Variants in ZFAT observed in about 807,000 individuals in gnomAD.
ZFAT encodes zinc finger and AT-hook domain containing, also known as zinc finger protein ZFAT.
A neutral mutation model predicts 117.7 loss-of-function variants in ZFAT; 64 were observed. The observed-to-expected ratio is 0.54, with a 90% CI of 0.44 to 0.67. The LOEUF (loss-of-function observed/expected upper bound fraction) is 0.67, where lower values mean the gene tolerates loss of function less well. ZFAT is among the 30% of genes least tolerant of loss of function. The pLI is 0.00. For synonymous variants in ZFAT, 679 were observed against 615.0 expected (o/e 1.10, Z -1.54); for missense variants, 1,433 against 1,584.5 (o/e 0.90, Z 1.62).
chr8:134,526,520 A>G (rs1821033930), intron 12 of ZFAT, among the ~76,000 whole-genome samples: 1 of 152,244 alleles, frequency 6.6e-6, no homozygotes, highest in Non-Finnish European at 1.5e-5. Context: ...CCACGGACTG[A>G]TTAATCAGGT....
Position 134,590,144 on chromosome 8 carries a change from A to G in ZFAT, c.2563+124T>C, listed in dbSNP as rs922292811. On this transcript the variant is annotated intron_variant, in intron 8 of 15. Transcript: ENST00000377838. ...CGTCGAATAAAGATGTTTGTTTCCC[A>G]TGAATATATTCACAGCTTCATCCCT... 1.2e-5 allele frequency: 8 copies of G among 670,550 alleles called. No individual in the cohort carries two copies. In the Admixed American group the frequency reaches 2.0e-4, roughly 17 times the overall value. 41.5% of individuals were successfully genotyped at this position (670,550 alleles called of 1,614,324 possible).
chr8:134,797,304 G>A, the ZFAT span: 1 of 152,018 alleles, frequency 6.6e-6, no homozygotes, highest in Non-Finnish European at 1.5e-5. Context: ...AAATGACTGG[G>A]ATATCGAAAT....
At chr8:134,821,812 A>G in the ZFAT span, among the ~76,000 whole-genome samples, 2 of 152,188 alleles carry the variant, frequency 1.3e-5, no homozygotes, top group Non-Finnish European at 2.9e-5. Context: ...TGTGAGTCCT[A>G]TAAATCTAAC....
At chr8:134,530,781 A>G (rs1257981189) in intron 12 of ZFAT, among the ~76,000 whole-genome samples, 1 of 103,324 alleles carries the variant, frequency 9.7e-6, no homozygotes, top group African/African-American at 3.3e-5. Flanking sequence ...TAAAAATAAA[A>G]AAATAATACA....
intron 11 of ZFAT, among the ~76,000 whole-genome samples, chr8:134,542,009 C>A (rs1397881296): frequency 2.0e-5 from 3 of 152,210 alleles, no homozygotes; most frequent in Admixed American, 2.0e-4. Context: ...ATGCCAGGAC[C>A]TTGAAGGCCA....
At chr8:134,675,794 T>C (rs1285858812) in intron 1 of ZFAT, among the ~76,000 whole-genome samples, 2 of 152,198 alleles carry the variant, frequency 1.3e-5, no homozygotes, top group Non-Finnish European at 2.9e-5. Flanking sequence ...ATATTCAACA[T>C]TCTTGAAGAA....
chr8:134,601,571 C>T lies in ZFAT; in HGVS notation c.2148G>A (p.Met716Ile). 3 of 1,614,236 alleles carry T rather than the reference C, an allele frequency of 1.9e-6. No individual in the cohort carries two copies. The highest frequency in any genetic ancestry group is 2.5e-6 in the Non-Finnish European group (3 of 1,180,046). ...TCTTCTGTAAACTGTTCAGGACCTT[C>T]ATGAAAGCGGTGATGCCTGACCGGT... ...PEHRSGITAF[M>I]KVLNSLQKKQ... is the part of the protein sequence containing the mutation. The change falls in exon 6 of 16, where the codon ATG becomes ATA. Residue 716 changes from methionine to isoleucine, a missense_variant. Physicochemically the swap from Met to Ile is conservative, Grantham distance 10. This residue lies in a region of ZFAT where 372 missense variants were observed against 355.6 expected (regional missense o/e 1.05). Coordinates refer to ENST00000377838, the MANE Select transcript of ZFAT (RefSeq NM_020863.4).
At chr8:134,560,396 AG>A (rs1351929323) in intron 11 of ZFAT, among the ~76,000 whole-genome samples, 2 of 152,268 alleles carry the variant, frequency 1.3e-5, no homozygotes, top group South Asian at 4.1e-4. Context: ...TAGCACAAAG[AG>A]GTATCCTCTT....
chr8:134,595,015 T>C (rs866850894), intron 7 of ZFAT: 1 of 152,174 alleles, frequency 6.6e-6, no homozygotes, highest in Non-Finnish European at 1.5e-5. Flanking sequence ...CAAATTATGG[T>C]GGAGGCAGGA....
intron 3 of ZFAT, among the ~76,000 whole-genome samples, chr8:134,634,328 A>G (rs1036820): frequency 0.72 from 110,016 of 152,126 alleles, 40,145 homozygotes; most frequent in East Asian, 0.91. Flanking sequence ...TCTCTTTTTC[A>G]GTGTAACAGT....
At chr8:134,792,846 C>G in the ZFAT span, 1 of 152,158 alleles carries the variant, frequency 6.6e-6, no homozygotes. Flanking sequence ...TGCTTTTACA[C>G]AATTTCTGAT....
the ZFAT span, among the ~76,000 whole-genome samples, chr8:134,727,345 G>A: frequency 9.2e-5 from 14 of 152,214 alleles, no homozygotes; most frequent in East Asian, 2.5e-3. Context: ...AGGTCCTGAG[G>A]TCAGGACACT....
chr8:134,582,909 AT>A (rs1421234421), intron 10 of ZFAT, among the ~76,000 whole-genome samples: 15 of 152,212 alleles, frequency 9.9e-5, no homozygotes, highest in African/African-American at 3.6e-4. Context: ...TTTATATATA[AT>A]TTTGGTAAAT....
At chr8:134,497,308 G>T (rs1016039491) in intron 15 of ZFAT, among the ~76,000 whole-genome samples, 1 of 152,260 alleles carries the variant, frequency 6.6e-6, no homozygotes. Context: ...AGAGCAGCAG[G>T]ATGGAAAGAG....
At chr8:134,809,063 T>C in the ZFAT span, among the ~76,000 whole-genome samples, 1 of 152,204 alleles carries the variant, frequency 6.6e-6, no homozygotes. Context: ...TACCCTTTGG[T>C]GTTATTGGTG....
intron 10 of ZFAT, among the ~76,000 whole-genome samples, chr8:134,579,782 C>T (rs1825590807): frequency 6.6e-6 from 1 of 152,022 alleles, no homozygotes; most frequent in South Asian, 2.1e-4. Flanking sequence ...GAAACCCCAT[C>T]TCTACCAAAA....
chr8:134,563,364 G>A (rs2130762153), intron 11 of ZFAT, among the ~76,000 whole-genome samples: 1 of 152,340 alleles, frequency 6.6e-6, no homozygotes. Context: ...AAGACTAGGA[G>A]TGAAAGGATG....
chr8:134,662,317 A>C (rs535783831), intron 1 of ZFAT, among the ~76,000 whole-genome samples: 1 of 152,304 alleles, frequency 6.6e-6, no homozygotes, highest in South Asian at 2.1e-4. Flanking sequence ...TTTTAGGAGG[A>C]AACAAACATT....
intron 7 of ZFAT, among the ~76,000 whole-genome samples, chr8:134,595,642 T>C (rs1052717087): frequency 2.6e-5 from 4 of 152,218 alleles, no homozygotes; most frequent in Non-Finnish European, 5.9e-5. Context: ...GCTCCAGAAA[T>C]GTCACTGACT....
Sources: allele counts gnomAD v4.1 joint callset (sites outside exome capture counted in the v4.1 genomes callset), GRCh38; gene constraint gnomAD v4.1.1; regional missense constraint gnomAD v4.1.1; transcripts MANE v1.5; gene names NCBI Gene and HGNC (gene_info 2026-07-23, HGNC 2026-07-21).